The following HNRNPUL1 variants were observed in gnomAD, a reference collection of about 807,000 sequenced individuals.
The protein encoded by HNRNPUL1 is heterogeneous nuclear ribonucleoprotein U like 1, also known as heterogeneous nuclear ribonucleoprotein U-like protein 1.
A neutral mutation model predicts 108.5 loss-of-function variants in HNRNPUL1; 14 were observed. That is an observed-to-expected ratio of 0.13 (90% CI 0.09 to 0.20). The LOEUF (loss-of-function observed/expected upper bound fraction) is 0.20. HNRNPUL1 is among the 10% of genes least tolerant of loss of function. The pLI is 1.00. For synonymous variants in HNRNPUL1, 422 were observed against 445.2 expected, an observed-to-expected ratio of 0.95 and a Z score of 0.66; for missense variants, 804 against 1,168.3, an observed-to-expected ratio of 0.69 and a Z score of 4.55.
intron 10 of HNRNPUL1, 86 bp from the exon 11 acceptor site, chr19:41,301,450 A>G (rs1431099481): frequency 1.8e-6 from 2 of 1,101,074 alleles, no homozygotes; most frequent in East Asian, 5.1e-5. Context: ...TCCTTTTCTC[A>G]GTCCCTGGCC....
At chr19:41,273,141 A>G (rs1329472627) in intron 3 of HNRNPUL1, among the ~76,000 whole-genome samples, 8 of 152,228 alleles carry the variant, frequency 5.3e-5, no homozygotes, top group East Asian at 1.9e-4. Context: ...GATGGAGAGC[A>G]AAGGAAGAAC....
intron 10 of HNRNPUL1, among the ~76,000 whole-genome samples, chr19:41,296,152 G>A (rs1599840343): frequency 6.6e-6 from 1 of 152,198 alleles, no homozygotes; most frequent in Non-Finnish European, 1.5e-5. Flanking sequence ...TGGTTTGCTG[G>A]TTAAATCAGC....
At chr19:41,265,145 G>C in intron 1 of HNRNPUL1, 1 of 1,422,324 alleles carries the variant, frequency 7.0e-7, no homozygotes, top group Non-Finnish European at 9.1e-7. Context: ...GTTGGGGAGG[G>C]TCTCGAAAAT....
At chr19:41,272,669 A>G (rs2035314437) in intron 3 of HNRNPUL1, among the ~76,000 whole-genome samples, 1 of 152,218 alleles carries the variant, frequency 6.6e-6, no homozygotes, top group African/African-American at 2.4e-5. Flanking sequence ...GGACACTAGC[A>G]ACATACAGAT....
chr19:41,273,688 G>A (rs914204935), intron 3 of HNRNPUL1, among the ~76,000 whole-genome samples: 3 of 152,178 alleles, frequency 2.0e-5, no homozygotes, highest in Non-Finnish European at 4.4e-5. Context: ...AGAGGGTATG[G>A]ATCAGAATCT....
intron 4 of HNRNPUL1, 29 bp from the exon 5 acceptor site, chr19:41,276,130 C>T: frequency 1.2e-6 from 2 of 1,613,538 alleles, no homozygotes; most frequent in South Asian, 1.1e-5. Flanking sequence ...ATAAAAACAT[C>T]AGCCAACTGT....
chr19:41,269,538 C>T (rs963958390), intron 2 of HNRNPUL1, among the ~76,000 whole-genome samples: 1 of 149,736 alleles, frequency 6.7e-6, no homozygotes, highest in Non-Finnish European at 1.5e-5. Context: ...CACAGTGGCT[C>T]ATGCTTGTAA....
chr19:41,306,384 C>A, intron 14 of HNRNPUL1, 65 bp from the exon 15 acceptor site: 1 of 1,074,368 alleles, frequency 9.3e-7, no homozygotes, highest in Non-Finnish European at 1.3e-6. Context: ...GAGGGTGGGG[C>A]TGGTGGGGAG....
intron 2 of HNRNPUL1, among the ~76,000 whole-genome samples, chr19:41,269,678 T>C (rs1263427103): frequency 6.7e-6 from 1 of 149,908 alleles, no homozygotes; most frequent in African/African-American, 2.5e-5. Flanking sequence ...GGTGACATGC[T>C]TGTAGTCCCA....
At chr19:41,284,181 G>A (rs946935025) in intron 7 of HNRNPUL1, among the ~76,000 whole-genome samples, 14 of 151,980 alleles carry the variant, frequency 9.2e-5, no homozygotes, top group Non-Finnish European at 1.3e-4. Context: ...GCAGAAAAAA[G>A]TTATGGTATT....
At chr19:41,271,942 A>C in intron 2 of HNRNPUL1, 140 bp from the exon 3 acceptor site, 1 of 909,560 alleles carries the variant, frequency 1.1e-6, no homozygotes, top group Non-Finnish European at 1.7e-6. Context: ...CTTCTGTTGA[A>C]CTCAGCAAGC....
In HNRNPUL1 at chr19:41,292,021, C is replaced by A; in HGVS notation, c.1000-224C>A. The A allele has an allele frequency of 3.9e-6, 2 of 509,362 alleles. No individual in the cohort carries two copies. Among genetic ancestry groups the A allele is most frequent in the East Asian group, 3.6e-5 (1 of 28,122 alleles). The allele number at this position is 509,362 out of a possible 1,614,324, so 31.6% of individuals were successfully genotyped here. A position where few individuals can be genotyped will look rare whatever the true frequency, so the allele number is the denominator to read the frequency against. ...AAAAAAAAAAACTCTTGCTTACTTG[C>A]TTCATATCCACCAACTTTGGGGTCT... On this transcript the variant is annotated intron_variant, in intron 7 of 14. Transcript: ENST00000392006. The surrounding 1 kb of genome is among the most constrained non-coding windows in gnomAD (Gnocchi z 4.1).
chr19:41,273,784 C>T (rs1388198332), intron 3 of HNRNPUL1, among the ~76,000 whole-genome samples, 198 bp from the exon 4 acceptor site: 1 of 152,214 alleles, frequency 6.6e-6, no homozygotes, highest in Non-Finnish European at 1.5e-5. Flanking sequence ...ATCCCTGTCT[C>T]CACCGTAGGA....
upstream of HNRNPUL1, among the ~76,000 whole-genome samples, chr19:41,264,007 GT>G (rs2034645160): frequency 6.6e-6 from 1 of 152,228 alleles, no homozygotes; most frequent in African/African-American, 2.4e-5. Flanking sequence ...GAGACACTTA[GT>G]TTGATGAAAG....
Position 41,279,181 on chromosome 19 carries a change from G to A in HNRNPUL1, c.886+5G>A. 2 of 1,598,792 alleles carry A rather than the reference G, an allele frequency of 1.3e-6. No individual in the cohort carries two copies. The highest frequency in any genetic ancestry group is 1.7e-6 in the Non-Finnish European group (2 of 1,167,744). On this transcript the variant is annotated splice_donor_5th_base_variant and intron_variant, in intron 6 of 14. Transcript: ENST00000392006. ...ACTCCTGCAGCACCCAGCTAGGTAA[G>A]GAGGGGTCAGCTATGCAGTCCAGAG...
intron 7 of HNRNPUL1, among the ~76,000 whole-genome samples, chr19:41,290,675 C>T (rs2122785815): frequency 6.6e-6 from 1 of 152,274 alleles, no homozygotes; most frequent in South Asian, 2.1e-4. Flanking sequence ...TACCCCGCCC[C>T]CCTTTTTTTG....
rs546050623 is a variant in HNRNPUL1 at position 41,291,056 on chromosome 19, A to AG, written c.1000-1183dup. Reference sequence around the variant, plus strand: ...AGTGAAATTCCGTCTCAACAAAAAGAGGGGGGATCTTAATTACTAACTTTA... The same window carrying AG: ...AGTGAAATTCCGTCTCAACAAAAAGAGGGGGGGATCTTAATTACTAACTTTA... On this transcript the variant is annotated intron_variant, in intron 7 of 14. Transcript: ENST00000392006. Among the ~76,000 whole-genome samples the AG allele has an allele frequency of 7.2e-4, 110 of 152,266 alleles. 1 individual carries two copies. The highest frequency in any genetic ancestry group is 2.5e-3 in the African/African-American group (105 of 41,562).
At position 41,272,172 on chromosome 19, in the gene HNRNPUL1, G is replaced by A. The variant is rs376250609; in HGVS notation, c.509G>A (p.Ser170Asn). 31 of 1,614,062 alleles carry A rather than the reference G, an allele frequency of 1.9e-5. No homozygotes were observed. The African/African-American group carries it at 2.7e-4, about 14-fold the overall frequency. The change falls in exon 3 of 15, where the codon AGT becomes AAT. Residue 170 changes from serine (S) to asparagine (N), a missense_variant. Ser to Asn is a conservative substitution (Grantham distance 46). This residue lies in a region of HNRNPUL1 where 256 missense variants were observed against 261.6 expected (regional missense o/e 0.98). Transcript: ENST00000392006. ...QLKPDRQQFQSRKRPYEENRG... is the reference protein window; with the variant it reads ...QLKPDRQQFQNRKRPYEENRG... Reference sequence around the variant, plus strand: ...AAGCCAGACAGGCAGCAATTCCAGAGTCGAAAGAGGCCTTATGAAGAAAAC... The same window carrying A: ...AAGCCAGACAGGCAGCAATTCCAGAATCGAAAGAGGCCTTATGAAGAAAAC...
chr19:41,302,925 G>A lies in HNRNPUL1; in HGVS notation c.1948G>A (p.Gly650Ser), dbSNP rs577691151. 18 of 1,528,604 alleles carry A rather than the reference G, an allele frequency of 1.2e-5. No individual in the cohort carries two copies. Among genetic ancestry groups the A allele is most frequent in the Middle Eastern group, 1.8e-4 (1 of 5,572 alleles). The allele number at this position is 1,528,604 out of a possible 1,614,324, so 94.7% of individuals were successfully genotyped here. A position where few individuals can be genotyped will look rare whatever the true frequency, so the allele number is the denominator to read the frequency against. Residue 650 changes from glycine to serine, a missense_variant, in exon 12 of 15, where the codon GGT becomes AGT. This residue lies in a region of HNRNPUL1 where 294 missense variants were observed against 388.3 expected (regional missense o/e 0.76). Coordinates refer to ENST00000392006, the MANE Select transcript of HNRNPUL1 (RefSeq NM_007040.6). ...GGFQNRGGGS[G>S]GGGNYRGGFN... Reference sequence around the variant, plus strand: ...CTTCCAGAACCGAGGGGGAGGCAGCGGTGGAGGAGGCAACTACCGAGGAGG... The same window carrying A: ...CTTCCAGAACCGAGGGGGAGGCAGCAGTGGAGGAGGCAACTACCGAGGAGG...
Sources: gnomAD v4.1 joint callset for allele counts (sites outside exome capture counted in the v4.1 genomes callset) on GRCh38, gnomAD v4.1.1 for gene constraint, gnomAD v4.1.1 regional missense constraint, Gnocchi (gnomAD v3.1) non-coding constraint, MANE v1.5 for transcripts, NCBI Gene and HGNC (gene_info 2026-07-23, HGNC 2026-07-21) for gene names.